The following PLCG2 variants were observed in gnomAD, a reference collection of about 807,000 sequenced individuals.
PLCG2 encodes 1-phosphatidylinositol 4,5-bisphosphate phosphodiesterase gamma-2.
Under a neutral mutation model 175.6 loss-of-function variants are expected in PLCG2, and 69 were observed. The ratio of observed to expected loss-of-function variants is 0.39; its 90% CI spans 0.32 to 0.48. The LOEUF (loss-of-function observed/expected upper bound fraction) is 0.48, where lower values mean the gene tolerates loss of function less well. Ranked by LOEUF, PLCG2 falls within the 20% of genes least tolerant of loss-of-function variation. The pLI is 0.91. For synonymous variants in PLCG2, 827 were observed against 624.0 expected (o/e 1.33, Z -4.85); for missense variants, 1,798 against 1,650.9 (o/e 1.09, Z -1.54).
intron 2 of PLCG2, among the ~76,000 whole-genome samples, chr16:81,760,099 C>G (rs1910007494): frequency 6.6e-6 from 1 of 152,206 alleles, no homozygotes; most frequent in South Asian, 2.1e-4. Context: ...GCTCATCTAT[C>G]AGTTGTAGGA....
At chr16:81,748,348 C>T (rs922228457) in intron 1 of PLCG2, among the ~76,000 whole-genome samples, 1 of 151,760 alleles carries the variant, frequency 6.6e-6, no homozygotes, top group African/African-American at 2.4e-5. Context: ...CGAGATGGTG[C>T]CACTGTACTC....
At chr16:81,865,978 G>A (rs1490991446) in intron 5 of PLCG2, among the ~76,000 whole-genome samples, 11 of 135,852 alleles carry the variant, frequency 8.1e-5, no homozygotes, top group African/African-American at 3.1e-4. Flanking sequence ...CTCCACTGGG[G>A]CACCAGCGTG....
At chr16:81,767,357 C>G (rs1910173861) in intron 2 of PLCG2, 1 of 151,960 alleles carries the variant, frequency 6.6e-6, no homozygotes, top group East Asian at 1.9e-4. Context: ...GTTGGCCAGG[C>G]TCTTCTCAAA....
chr16:81,955,977 G>T (rs184191592), intron 31 of PLCG2, among the ~76,000 whole-genome samples: 1 of 152,070 alleles, frequency 6.6e-6, no homozygotes, highest in African/African-American at 2.4e-5. Context: ...AGCCTATTAC[G>T]TGTTGTACAG....
At chr16:81,831,602 G>A (rs1319793259) in intron 2 of PLCG2, among the ~76,000 whole-genome samples, 1 of 152,198 alleles carries the variant, frequency 6.6e-6, no homozygotes, top group Non-Finnish European at 1.5e-5. Flanking sequence ...CCAGTGCTGG[G>A]AAAGAGGGAG....
At chr16:81,939,404 C>T (rs1255606308) in intron 29 of PLCG2, among the ~76,000 whole-genome samples, 1 of 152,162 alleles carries the variant, frequency 6.6e-6, no homozygotes, top group Non-Finnish European at 1.5e-5. Context: ...AGGATCCTTG[C>T]CCCTGGTAAA....
chr16:81,805,409 G>T (rs574437771), intron 2 of PLCG2, among the ~76,000 whole-genome samples: 1 of 149,536 alleles, frequency 6.7e-6, no homozygotes. Context: ...TGAGGCAGGA[G>T]AATGGCGTTA....
intron 31 of PLCG2, among the ~76,000 whole-genome samples, chr16:81,952,018 AAC>A: frequency 6.6e-6 from 1 of 152,298 alleles, no homozygotes; most frequent in South Asian, 2.1e-4. Context: ...TTCTAGAAGT[AAC>A]AAACAGAAAT....
At chr16:81,805,779 T>G (rs1454328379) in intron 2 of PLCG2, among the ~76,000 whole-genome samples, 21 of 106,610 alleles carry the variant, frequency 2.0e-4, no homozygotes, top group South Asian at 2.8e-4. Context: ...TTTTTTTTTT[T>G]TTTGTTTTTT....
intron 30 of PLCG2, among the ~76,000 whole-genome samples, chr16:81,943,924 G>T (rs1160800398): frequency 1.3e-5 from 2 of 152,086 alleles, no homozygotes; most frequent in Non-Finnish European, 2.9e-5. Flanking sequence ...AAAATCAAAG[G>T]ATGGATGCTC....
At chr16:81,916,104 T>A (rs1175489949) in intron 19 of PLCG2, among the ~76,000 whole-genome samples, 1 of 152,154 alleles carries the variant, frequency 6.6e-6, no homozygotes, top group Non-Finnish European at 1.5e-5. Flanking sequence ...ATTCTGCAGC[T>A]TTTCTACTCA....
chr16:81,750,392 C>G (rs1467020653), intron 1 of PLCG2, among the ~76,000 whole-genome samples: 2 of 144,266 alleles, frequency 1.4e-5, no homozygotes, highest in African/African-American at 2.7e-5. Context: ...TGCACTCCAG[C>G]CTGGGTGGTG....
chr16:81,837,548 C>T (rs899710027), intron 2 of PLCG2, among the ~76,000 whole-genome samples: 10 of 152,190 alleles, frequency 6.6e-5, no homozygotes, highest in African/African-American at 9.6e-5. Context: ...ACCCCCGTGT[C>T]GTGGGTGCCA....
chr16:81,887,720 G>A (rs1249780267), intron 9 of PLCG2, among the ~76,000 whole-genome samples: 1 of 152,162 alleles, frequency 6.6e-6, no homozygotes, highest in Non-Finnish European at 1.5e-5. Flanking sequence ...GCTTCTATTA[G>A]TCATAAAGAT....
chr16:81,907,123 C>T (rs988701441), intron 15 of PLCG2, among the ~76,000 whole-genome samples: 4 of 150,986 alleles, frequency 2.6e-5, no homozygotes, highest in African/African-American at 9.7e-5. Context: ...CACATGTACC[C>T]TAGAACTTAA....
Position 81,889,284 on chromosome 16 carries a change from T to C in PLCG2, c.867+11T>C. 1.3e-6 allele frequency: 2 copies of C among 1,491,794 alleles called. No individual in the cohort carries two copies. Among genetic ancestry groups the C allele is most frequent in the Non-Finnish European group, 1.9e-6 (2 of 1,076,068 alleles). 92.4% of individuals were successfully genotyped at this position (1,491,794 alleles called of 1,614,324 possible). A position where few individuals can be genotyped will look rare whatever the true frequency, so the allele number is the denominator to read the frequency against. On this transcript the variant is annotated intron_variant, in intron 10 of 32. Coordinates refer to ENST00000564138, the MANE Select transcript of PLCG2 (RefSeq NM_002661.5). ...TTGTTTGTGGATGAGGTGAGTAGGC[T>C]GGGCTTGTTGTCGCTTGGGGGTGAC...
At chr16:81,828,517 C>T (rs1330955016) in intron 2 of PLCG2, among the ~76,000 whole-genome samples, 1 of 152,054 alleles carries the variant, frequency 6.6e-6, no homozygotes, top group East Asian at 1.9e-4. Context: ...GGATTACAGG[C>T]GTGAGCCACC....
intron 2 of PLCG2, among the ~76,000 whole-genome samples, chr16:81,829,514 G>A (rs749382462): frequency 6.6e-6 from 1 of 152,146 alleles, no homozygotes; most frequent in Non-Finnish European, 1.5e-5. Context: ...CACCACACCC[G>A]GCCCATTTCT....
rs199963973 is a variant in PLCG2, at chr16:81,895,784, G to A, written c.1073-23G>A. 2.5e-6 allele frequency: 4 copies of A among 1,613,948 alleles called. No individual in the cohort carries two copies. In the East Asian group the frequency reaches 6.7e-5, roughly 27 times the overall value. On this transcript the variant is annotated intron_variant, in intron 12 of 32. Transcript: ENST00000564138. Reference sequence around the variant, plus strand: ...TGTCAGTGAACACACGTGGTATTGAGGCTGCCGCGTTTCTCCCTGTAGTGG... The same window carrying A: ...TGTCAGTGAACACACGTGGTATTGAAGCTGCCGCGTTTCTCCCTGTAGTGG...
Sources: gnomAD v4.1 joint callset for allele counts (sites outside exome capture counted in the v4.1 genomes callset) on GRCh38, gnomAD v4.1.1 for gene constraint, MANE v1.5 for transcripts, NCBI Gene and HGNC (gene_info 2026-07-23, HGNC 2026-07-21) for gene names.